The following RNF170 variants were observed in gnomAD, a reference collection of about 807,000 sequenced individuals.
RNF170 encodes E3 ubiquitin-protein ligase RNF170.
Under a neutral mutation model 32.7 loss-of-function variants are expected in RNF170, and 12 were observed. The ratio of observed to expected loss-of-function variants is 0.37; its 90% confidence interval spans 0.24 to 0.60. The LOEUF (loss-of-function observed/expected upper bound fraction) is 0.60, where lower values mean the gene tolerates loss of function less well. RNF170 is among the 20% of genes least tolerant of loss of function. The pLI, the probability that RNF170 is intolerant of heterozygous loss-of-function variation, is 0.72. For missense variants in RNF170, 212 were observed against 311.2 expected (o/e 0.68, Z 2.40); for synonymous variants, 91 against 103.6 (o/e 0.88, Z 0.74).
chr8:42,883,259 T>C (rs1805557355), intron 2 of RNF170, among the ~76,000 whole-genome samples: 2 of 151,796 alleles, frequency 1.3e-5, no homozygotes, highest in Non-Finnish European at 2.9e-5. Context: ...AACATACCCA[T>C]GTAAAAGACC....
At chr8:42,895,766 C>A (rs939247112) in intron 1 of RNF170, among the ~76,000 whole-genome samples, 1 of 152,166 alleles carries the variant, frequency 6.6e-6, no homozygotes, top group Non-Finnish European at 1.5e-5. Flanking sequence ...TGTGATCCAC[C>A]CGCAAAAGTT....
At chr8:42,882,918 C>T (rs1160342075) in intron 2 of RNF170, among the ~76,000 whole-genome samples, 3 of 152,018 alleles carry the variant, frequency 2.0e-5, no homozygotes, top group Admixed American at 2.0e-4. Context: ...AAAAAAATAG[C>T]TGGCCATGGC....
At chr8:42,879,528 G>A (rs1805212928) in intron 2 of RNF170, among the ~76,000 whole-genome samples, 1 of 152,024 alleles carries the variant, frequency 6.6e-6, no homozygotes, top group Non-Finnish European at 1.5e-5. Context: ...GCACGTGCCT[G>A]TAGTCCCAGT....
chr8:42,861,728 G>T lies in RNF170; in HGVS notation c.507+17C>A. On this transcript the variant is annotated intron_variant, in intron 6 of 6. Coordinates refer to ENST00000527424, the MANE Select transcript of RNF170 (RefSeq NM_030954.4). Reference sequence around the variant, plus strand: ...TGTGTCTTCCTCTAACTTTGAACATGCTTTAGCATTACTTACAGATCTGGG... The same window carrying T: ...TGTGTCTTCCTCTAACTTTGAACATTCTTTAGCATTACTTACAGATCTGGG... 2 of 1,548,368 alleles carry T rather than the reference G, an allele frequency of 1.3e-6. No homozygotes were observed. Among genetic ancestry groups the T allele is most frequent in the Non-Finnish European group, 1.8e-6 (2 of 1,120,596 alleles).
chr8:42,870,825 A>AGAAACATCTAGATATCAAAG (rs1303697818), intron 3 of RNF170, among the ~76,000 whole-genome samples: 5 of 152,246 alleles, frequency 3.3e-5, no homozygotes, highest in African/African-American at 1.2e-4. Context: ...CACATATGCA[A>AGAAACATCTAGATATCAAAG]GAAACATCTA....
At position 42,855,729 on chromosome 8, in the gene RNF170, A is replaced by T; in HGVS notation, c.*430T>A. 8.0e-7 allele frequency: 1 copy of T among 1,253,822 alleles called. No individual in the cohort carries two copies. The highest frequency in any genetic ancestry group is 1.0e-6 in the Non-Finnish European group (1 of 967,292). 77.7% of individuals were successfully genotyped at this position (1,253,822 alleles called of 1,614,324 possible). On this transcript the variant is annotated 3_prime_UTR_variant, in exon 7 of 7. Transcript: ENST00000527424. ...CCAATAGTATATAATATTTTATTGG[A>T]ACAAAAATATTTAGATGAGTTTCAC... is the stretch of plus-strand genomic sequence containing the variant.
At chr8:42,861,470 A>G in intron 6 of RNF170, 1 of 347,218 alleles carries the variant, frequency 2.9e-6, no homozygotes, top group Non-Finnish European at 5.4e-6. Context: ...CCTCCCAAGA[A>G]GCAGGGACTA....
At position 42,878,022 on chromosome 8, in the gene RNF170, C is replaced by T. The variant is rs532203644; in HGVS notation, c.138-4016G>A. Among the ~76,000 whole-genome samples, 112 of 151,968 alleles carry T rather than the reference C, an allele frequency of 7.4e-4. 2 individuals carry two copies. Among genetic ancestry groups the T allele is most frequent in the Admixed American group, 1.8e-3 (27 of 15,254 alleles). ...ATGCACTTGCTTCATGTTTCTGTGT[C>T]GTCTTTTGGTTATACTTGCAATCAA... is the stretch of plus-strand genomic sequence containing the variant. On this transcript the variant is annotated intron_variant, in intron 2 of 6. Coordinates refer to ENST00000527424, the MANE Select transcript of RNF170 (RefSeq NM_030954.4).
intron 2 of RNF170, among the ~76,000 whole-genome samples, chr8:42,886,282 T>TAC (rs1287653804): frequency 6.6e-6 from 1 of 151,944 alleles, no homozygotes; most frequent in Non-Finnish European, 1.5e-5. Flanking sequence ...TGCAGCAATA[T>TAC]ACAATGTCCT....
intron 1 of RNF170, among the ~76,000 whole-genome samples, chr8:42,894,218 C>T (rs1806550528): frequency 1.3e-5 from 2 of 152,192 alleles, no homozygotes; most frequent in Non-Finnish European, 2.9e-5. Flanking sequence ...TGCACAAAAG[C>T]ACTGTGGATA....
rs1237857277 is a variant in RNF170, at chr8:42,854,235, T to C, written c.*1924A>G. ...GTCTTACTCTGATGGAGGTATAATG[T>C]AGCACGAAAGACTTCCAAAGAACCA... On this transcript the variant is annotated 3_prime_UTR_variant, in exon 7 of 7. Coordinates refer to ENST00000527424, the MANE Select transcript of RNF170 (RefSeq NM_030954.4). 10 of 1,287,144 alleles carry C rather than the reference T, an allele frequency of 7.8e-6. No homozygotes were observed. The highest frequency in any genetic ancestry group is 9.1e-6 in the Non-Finnish European group (9 of 988,712). The allele number at this position is 1,287,144 out of a possible 1,614,324, so 79.7% of individuals were successfully genotyped here.
In RNF170 at chr8:42,854,985, A is replaced by G; in HGVS notation, c.*1174T>C. 7.8e-7 allele frequency: 1 copy of G among 1,287,224 alleles called. No individual in the cohort carries two copies. The highest frequency in any genetic ancestry group is 1.0e-6 in the Non-Finnish European group (1 of 988,692). 79.7% of individuals were successfully genotyped at this position (1,287,224 alleles called of 1,614,324 possible). A position where few individuals can be genotyped will look rare whatever the true frequency, so the allele number is the denominator to read the frequency against. On this transcript the variant is annotated 3_prime_UTR_variant, in exon 7 of 7. Coordinates refer to ENST00000527424, the MANE Select transcript of RNF170 (RefSeq NM_030954.4). ...CAATCTGTTGCTATAGCTAACCAGT[A>G]ATTTCTTTTGTCAAATGTAAATACC...
chr8:42,865,568 C>G, intron 4 of RNF170, 79 bp from the exon 5 acceptor site: 1 of 1,039,556 alleles, frequency 9.6e-7, no homozygotes, highest in Non-Finnish European at 1.5e-6. Context: ...AAAGATTCAA[C>G]TATTTGAAAT....
At chr8:42,891,729 C>T (rs539336902) in intron 1 of RNF170, among the ~76,000 whole-genome samples, 5 of 152,212 alleles carry the variant, frequency 3.3e-5, no homozygotes, top group African/African-American at 4.8e-5. Context: ...CGATTTTGAC[C>T]TTTTAAATTA....
chr8:42,890,400 C>G (rs965295106), intron 1 of RNF170, among the ~76,000 whole-genome samples: 19 of 151,666 alleles, frequency 1.3e-4, no homozygotes, highest in African/African-American at 4.6e-4. Flanking sequence ...GCCTCAGTCT[C>G]CCGAGTAGCT....
intron 2 of RNF170, among the ~76,000 whole-genome samples, chr8:42,887,245 C>CAGTG (rs1157622940): frequency 6.6e-6 from 1 of 152,140 alleles, no homozygotes; most frequent in African/African-American, 2.4e-5. Flanking sequence ...TGAGCTGAGA[C>CAGTG]AGTGCCATGG....
chr8:42,882,209 C>T (rs915176518), intron 2 of RNF170, among the ~76,000 whole-genome samples: 1 of 152,132 alleles, frequency 6.6e-6, no homozygotes, highest in Non-Finnish European at 1.5e-5. Context: ...AAATGTTAAA[C>T]ATAGAAATTA....
intron 2 of RNF170, among the ~76,000 whole-genome samples, chr8:42,874,900 G>A (rs527290124): frequency 8.5e-5 from 13 of 152,216 alleles, no homozygotes; most frequent in African/African-American, 2.6e-4. Flanking sequence ...GGCTGGGCAC[G>A]GTGGCTCATG....
chr8:42,886,394 G>A (rs1805828453), intron 2 of RNF170, among the ~76,000 whole-genome samples: 1 of 152,066 alleles, frequency 6.6e-6, no homozygotes. Context: ...TTTCCCCCAT[G>A]ATATCCACAG....
Sources: gnomAD v4.1 joint callset for allele counts (sites outside exome capture counted in the v4.1 genomes callset) on GRCh38, gnomAD v4.1.1 for gene constraint, MANE v1.5 for transcripts, NCBI Gene and HGNC (gene_info 2026-07-23, HGNC 2026-07-21) for gene names.